SH3KBP1: variants seen among roughly 807,000 people sequenced by gnomAD.
The protein encoded by SH3KBP1 is SH3 domain-containing kinase-binding protein 1.
SH3KBP1 carries 8 observed loss-of-function variants against 50.1 expected under a neutral mutation model. That is an observed-to-expected ratio of 0.16 (90% confidence interval 0.09 to 0.29). The LOEUF (loss-of-function observed/expected upper bound fraction) is 0.29. Ranked by LOEUF, SH3KBP1 falls within the 10% of genes least tolerant of loss-of-function variation. The probability of loss-of-function intolerance (pLI) is 1.00; values close to 1 mark genes in which losing one functional copy is unlikely to be tolerated. For synonymous variants in SH3KBP1, 227 were observed against 218.6 expected, an observed-to-expected ratio of 1.04 and a Z score of -0.34; for missense variants, 377 against 535.2, an observed-to-expected ratio of 0.70 and a Z score of 2.92.
chrX:19,814,278 G>A (rs2067292236), intron 2 of SH3KBP1, among the ~76,000 whole-genome samples: 1 of 110,824 alleles, frequency 9.0e-6, no homozygotes, highest in African/African-American at 3.3e-5. Context: ...CCTGCAAAGG[G>A]CCTCCAAACT....
chrX:19,688,442 A>C (rs1448501147), intron 5 of SH3KBP1, among the ~76,000 whole-genome samples: 1 of 112,123 alleles, frequency 8.9e-6, no homozygotes, highest in Non-Finnish European at 1.9e-5. Flanking sequence ...AGGACACAGG[A>C]CTCACCCAGT....
At chrX:19,867,124 T>G (rs1256701691) in intron 1 of SH3KBP1, among the ~76,000 whole-genome samples, 1 of 111,933 alleles carries the variant, frequency 8.9e-6, no homozygotes, top group Non-Finnish European at 1.9e-5. Flanking sequence ...CCAGGCATAG[T>G]GATACCGGCA....
intron 1 of SH3KBP1, among the ~76,000 whole-genome samples, chrX:19,885,569 T>C (rs186464413): frequency 3.3e-4 from 37 of 111,418 alleles, no homozygotes; most frequent in Non-Finnish European, 4.7e-4. Context: ...ATAGGTCTGA[T>C]TCTTCTTAAA....
chrX:19,848,520 G>A (rs182217853), intron 1 of SH3KBP1, among the ~76,000 whole-genome samples: 1 of 112,083 alleles, frequency 8.9e-6, no homozygotes, highest in African/African-American at 3.2e-5. Context: ...AAACATCATT[G>A]GCCACCTTTG....
At chrX:19,649,512 C>G (rs1368025377) in intron 6 of SH3KBP1, among the ~76,000 whole-genome samples, 1 of 111,543 alleles carries the variant, frequency 9.0e-6, no homozygotes, top group Non-Finnish European at 1.9e-5. Flanking sequence ...AATTACCAGG[C>G]TGCTGTCAAC....
At chrX:19,663,936 A>C (rs1278289578) in intron 6 of SH3KBP1, among the ~76,000 whole-genome samples, 1 of 111,999 alleles carries the variant, frequency 8.9e-6, no homozygotes, top group Non-Finnish European at 1.9e-5. Flanking sequence ...AAATTTAAAA[A>C]TTAGCTGGGC....
intron 2 of SH3KBP1, among the ~76,000 whole-genome samples, chrX:19,758,768 TTGA>T (rs1248545224): frequency 9.0e-6 from 1 of 111,343 alleles, no homozygotes; most frequent in African/African-American, 3.3e-5. Flanking sequence ...TTTAACAGCT[TTGA>T]TGATGAGTAA....
chrX:19,704,073 A>G (rs1474926479), intron 4 of SH3KBP1, among the ~76,000 whole-genome samples: 2 of 111,814 alleles, frequency 1.8e-5, no homozygotes, highest in Non-Finnish European at 3.8e-5. Context: ...AACTGGAACA[A>G]TGGGGAGTTT....
intron 15 of SH3KBP1, among the ~76,000 whole-genome samples, chrX:19,545,499 G>T (rs1366613502): frequency 8.9e-6 from 1 of 112,253 alleles, no homozygotes; most frequent in Non-Finnish European, 1.9e-5. Context: ...TTATATTTAT[G>T]ATCTTCCAAC....
intron 6 of SH3KBP1, among the ~76,000 whole-genome samples, chrX:19,665,976 T>C (rs1421587299): frequency 9.0e-6 from 1 of 111,448 alleles, no homozygotes; most frequent in East Asian, 2.8e-4. Flanking sequence ...CAAATGCATC[T>C]GCATACTTCA....
chrX:19,873,847 G>A (rs1403939341), intron 1 of SH3KBP1, among the ~76,000 whole-genome samples: 2 of 105,848 alleles, frequency 1.9e-5, no homozygotes, highest in Non-Finnish European at 3.9e-5. Context: ...CCAGGAGTTC[G>A]AGACCAGCCT....
chrX:19,624,143 T>C (rs2067937687), intron 8 of SH3KBP1, among the ~76,000 whole-genome samples: 1 of 111,835 alleles, frequency 8.9e-6, no homozygotes, highest in South Asian at 3.7e-4. Flanking sequence ...TGATTTAACC[T>C]TTATGTTTCC....
intron 3 of SH3KBP1, among the ~76,000 whole-genome samples, chrX:19,719,886 T>C (rs976066204): frequency 9.6e-6 from 1 of 104,076 alleles, no homozygotes; most frequent in African/African-American, 3.4e-5. Context: ...ATAACAATAA[T>C]AATAATAATA....
intron 13 of SH3KBP1, among the ~76,000 whole-genome samples, chrX:19,560,421 G>A (rs2065636862): frequency 8.9e-6 from 1 of 111,924 alleles, no homozygotes; most frequent in Non-Finnish European, 1.9e-5. Flanking sequence ...GACAGGGTTA[G>A]AGAAACATAG....
chrX:19,772,414 A>T (rs146696122), intron 2 of SH3KBP1, among the ~76,000 whole-genome samples: 1,515 of 110,934 alleles, frequency 0.014, 24 homozygotes, highest in African/African-American at 0.046. Context: ...GGAAGGAGGG[A>T]GGTCAAATGA....
At chrX:19,800,182 T>C (rs2066853308) in intron 2 of SH3KBP1, among the ~76,000 whole-genome samples, 1 of 112,300 alleles carries the variant, frequency 8.9e-6, no homozygotes, top group African/African-American at 3.2e-5. Flanking sequence ...CAAACGTTCA[T>C]TACTTACATG....
chrX:19,874,542 G>A (rs1276042207), intron 1 of SH3KBP1, among the ~76,000 whole-genome samples: 2 of 101,709 alleles, frequency 2.0e-5, no homozygotes, highest in Non-Finnish European at 4.0e-5. Flanking sequence ...GAGGAAGTGT[G>A]GAGAAGGGGG....
At chrX:19,869,691 G>T (rs918554283) in intron 1 of SH3KBP1, among the ~76,000 whole-genome samples, 1 of 112,545 alleles carries the variant, frequency 8.9e-6, no homozygotes, top group East Asian at 2.8e-4. Context: ...ACAGGGAGTA[G>T]CAGAGATGTT....
chrX:19,826,234 T>C (rs542028850), intron 2 of SH3KBP1, among the ~76,000 whole-genome samples: 5 of 112,239 alleles, frequency 4.5e-5, no homozygotes, highest in Middle Eastern at 4.6e-3. Context: ...GAGCTAAAAC[T>C]ATCATCCTCT....
Sources: gnomAD v4.1 joint callset for allele counts (sites outside exome capture counted in the v4.1 genomes callset) on GRCh38, gnomAD v4.1.1 for gene constraint, MANE v1.5 for transcripts, NCBI Gene and HGNC (gene_info 2026-07-23, HGNC 2026-07-21) for gene names.